EXTL3: variants seen among roughly 807,000 people sequenced by gnomAD.
The protein encoded by EXTL3 is exostosin-like 3.
A neutral mutation model predicts 69.3 loss-of-function variants in EXTL3; 27 were observed. That is an observed-to-expected ratio of 0.39 (90% CI 0.29 to 0.54). EXTL3 has a LOEUF of 0.54. Ranked by LOEUF, EXTL3 falls within the 20% of genes least tolerant of loss-of-function variation. EXTL3 has a pLI of 0.69. For synonymous variants in EXTL3, 511 were observed against 499.4 expected (o/e 1.02, Z -0.31); for missense variants, 1,003 against 1,231.8 (o/e 0.81, Z 2.78).
intron 1 of EXTL3, among the ~76,000 whole-genome samples, chr8:28,668,809 G>C (rs1046252249): frequency 1.5e-4 from 22 of 149,912 alleles, no homozygotes; most frequent in Admixed American, 3.3e-4. Context: ...CATCTGGCAA[G>C]CATCTAATAT....
intron 1 of EXTL3, among the ~76,000 whole-genome samples, chr8:28,673,955 G>T (rs916836717): frequency 1.3e-5 from 2 of 152,184 alleles, no homozygotes; most frequent in Non-Finnish European, 2.9e-5. Flanking sequence ...GTAGTAAAAA[G>T]AGTGCTAATA....
At chr8:28,719,572 T>C (rs1801252062) in intron 3 of EXTL3, among the ~76,000 whole-genome samples, 1 of 152,248 alleles carries the variant, frequency 6.6e-6, no homozygotes, top group East Asian at 1.9e-4. Flanking sequence ...ATTGAATTTA[T>C]AATTAGAAGC....
chr8:28,705,043 G>T lies in EXTL3; in HGVS notation c.-570+3384G>T, dbSNP rs146697121. 2.0e-3 allele frequency among the ~76,000 whole-genome samples: 305 copies of T among 152,348 alleles called. 2 individuals carry two copies. The highest frequency in any genetic ancestry group is 8.3e-4 in the South Asian group (4 of 4,834). ...TTGATGGGATCCCAAATTATTAATG[G>T]AGTCTGTGGAAAATTAAGGGGGGCC... On this transcript the variant is annotated intron_variant, in intron 1 of 6. Coordinates refer to ENST00000220562, the MANE Select transcript of EXTL3 (RefSeq NM_001440.4).
rs914925504 is a variant in EXTL3, at chr8:28,693,396, C to G, written c.-52-20061C>G. Among the ~76,000 whole-genome samples, 144 of 152,170 alleles carry G rather than the reference C, an allele frequency of 9.5e-4. 3 individuals are homozygous for G. The highest frequency in any genetic ancestry group is 3.2e-4 in the Non-Finnish European group (22 of 68,030). ...AACTCCTGACTTCAGGTGATCCCCC[C>G]ACCTCTGCCTCCCAAAAGTGCTGGG... On this transcript the variant is annotated intron_variant, in intron 1 of 6. Transcript: ENST00000523149.
chr8:28,638,046 C>T (rs1426476059), intron 1 of EXTL3, among the ~76,000 whole-genome samples: 2 of 152,234 alleles, frequency 1.3e-5, no homozygotes, highest in Non-Finnish European at 2.9e-5. Flanking sequence ...TCTGCTGGCC[C>T]TGTCCTCTCC....
chr8:28,628,806 G>A (rs1408487866), intron 1 of EXTL3, among the ~76,000 whole-genome samples: 1 of 152,042 alleles, frequency 6.6e-6, no homozygotes, highest in Non-Finnish European at 1.5e-5. Context: ...GGTGCACACC[G>A]TCATTCCTGG....
At chr8:28,662,233 A>G (rs1420057968) in intron 1 of EXTL3, among the ~76,000 whole-genome samples, 1 of 151,876 alleles carries the variant, frequency 6.6e-6, no homozygotes, top group African/African-American at 2.4e-5. Flanking sequence ...TTTTTTCTAA[A>G]TTTGAATTTC....
At chr8:28,648,337 T>TCCAGCTCCC (rs1438711190) in intron 1 of EXTL3, among the ~76,000 whole-genome samples, 3 of 152,174 alleles carry the variant, frequency 2.0e-5, no homozygotes, top group Non-Finnish European at 2.9e-5. Flanking sequence ...CCTCAGCTCC[T>TCCAGCTCCC]CCAGCTCCCC....
At chr8:28,681,447 G>A (rs1307811226) in intron 1 of EXTL3, among the ~76,000 whole-genome samples, 3 of 151,936 alleles carry the variant, frequency 2.0e-5, no homozygotes, top group Non-Finnish European at 4.4e-5. Context: ...GAACCCTGGA[G>A]GCAGAGGTTG....
intron 1 of EXTL3, among the ~76,000 whole-genome samples, chr8:28,688,589 A>G (rs1327757777): frequency 6.6e-6 from 1 of 152,238 alleles, no homozygotes; most frequent in African/African-American, 2.4e-5. Flanking sequence ...GTGTTCCACC[A>G]TGAATACATA....
In EXTL3 at chr8:28,716,803, G is replaced by A. The variant is rs369906881; in HGVS notation, c.744G>A (p.Pro248=). The change falls in exon 3 of 7, where the codon CCG becomes CCA. Residue 248 remains proline (P), a synonymous_variant. Transcript: ENST00000220562. The surrounding 1 kb of genome is among the most constrained non-coding windows in gnomAD (Gnocchi z 7.1). Reference sequence around the variant, plus strand: ...TACTAGTGGGAGAGATGCAGGAGCCGGTGGTGCTGCGGCCTGCTGAGCTGG... The same window carrying A: ...TACTAGTGGGAGAGATGCAGGAGCCAGTGGTGCTGCGGCCTGCTGAGCTGG... The part of the protein sequence containing the change: ...YVILVGEMQE[P]VVLRPAELEK... 7 of 1,614,264 alleles carry A rather than the reference G, an allele frequency of 4.3e-6. No individual in the cohort carries two copies. The highest frequency in any genetic ancestry group is 1.6e-4 in the Middle Eastern group (1 of 6,062).
chr8:28,647,722 C>T (rs1002130992), intron 1 of EXTL3, among the ~76,000 whole-genome samples: 2 of 151,946 alleles, frequency 1.3e-5, no homozygotes, highest in African/African-American at 2.4e-5. Flanking sequence ...CAGAAGCTGT[C>T]GGGGAAAGAA....
intron 1 of EXTL3, among the ~76,000 whole-genome samples, chr8:28,657,202 C>T (rs1807025623): frequency 6.6e-6 from 1 of 152,152 alleles, no homozygotes. Context: ...CTCGGCCTCC[C>T]AAAGTGCTGA....
chr8:28,633,350 T>A (rs1416382690), intron 1 of EXTL3, among the ~76,000 whole-genome samples: 1 of 151,398 alleles, frequency 6.6e-6, no homozygotes, highest in East Asian at 1.9e-4. Context: ...AAAATAATAA[T>A]AAAAATAAAA....
At chr8:28,735,393 A>C (rs1189349343) in intron 4 of EXTL3, among the ~76,000 whole-genome samples, 1 of 152,202 alleles carries the variant, frequency 6.6e-6, no homozygotes, top group East Asian at 1.9e-4. Context: ...GCTGGCATTA[A>C]CATAGCTTCC....
intron 1 of EXTL3, among the ~76,000 whole-genome samples, chr8:28,661,717 T>C (rs1490353536): frequency 2.0e-5 from 3 of 150,794 alleles, no homozygotes; most frequent in Non-Finnish European, 3.0e-5. Context: ...CCGCCTCTAC[T>C]AAAAATACAA....
Position 28,717,063 on chromosome 8 carries a change from T to G in EXTL3, c.1004T>G (p.Val335Gly). 6.2e-7 allele frequency: 1 copy of G among 1,614,178 alleles called. No individual in the cohort carries two copies. The highest frequency in any genetic ancestry group is 8.5e-7 in the Non-Finnish European group (1 of 1,180,028). ...AACTTCATGGAAATCCCACCACAGG[T>G]GCCGGTGAAGCGGAAATATCTCTTC... Reference protein sequence around the residue: ...EPNFMEIPPQVPVKRKYLFTF... With the variant: ...EPNFMEIPPQGPVKRKYLFTF... Residue 335 changes from valine (V) to glycine (G), a missense_variant, in exon 3 of 7, where the codon GTG becomes GGG. By Grantham distance (109) the Val-to-Gly change is moderately radical. Coordinates refer to ENST00000220562, the MANE Select transcript of EXTL3 (RefSeq NM_001440.4). The surrounding 1 kb of genome is among the most constrained non-coding windows in gnomAD (Gnocchi z 8.3).
chr8:28,630,059 A>G (rs918641251), intron 1 of EXTL3, among the ~76,000 whole-genome samples: 21 of 152,036 alleles, frequency 1.4e-4, no homozygotes, highest in Non-Finnish European at 7.4e-5. Flanking sequence ...TTTAACTGAT[A>G]TGGTTTGGCT....
At chr8:28,705,638 C>T (rs557779485) in intron 1 of EXTL3, among the ~76,000 whole-genome samples, 1 of 151,818 alleles carries the variant, frequency 6.6e-6, no homozygotes, top group Non-Finnish European at 1.5e-5. Flanking sequence ...TTCAGGGAGG[C>T]CCAGGGCACT....
Sources: allele counts gnomAD v4.1 joint callset (sites outside exome capture counted in the v4.1 genomes callset), GRCh38; gene constraint gnomAD v4.1.1; non-coding constraint Gnocchi (gnomAD v3.1); transcripts MANE v1.5; gene names NCBI Gene and HGNC (gene_info 2026-07-23, HGNC 2026-07-21).